POU2AF3: variants seen among roughly 807,000 people sequenced by gnomAD.
POU2AF3 encodes the protein POU class 2 homeobox associating factor 3, also known as cancer susceptibility candidate 13.
chr11:111,298,826 G>GCGGGGCC, the POU2AF3 span: 16 of 790,960 alleles, frequency 2.0e-5, no homozygotes, highest in South Asian at 6.7e-5. Context: ...CGTACCCCAG[G>GCGGGGCC]CCCCCGCCCG....
chr11:111,307,707 G>C, the POU2AF3 span, among the ~76,000 whole-genome samples: 10,534 of 152,192 alleles, frequency 0.069, 1,203 homozygotes, highest in African/African-American at 0.24. Flanking sequence ...AAACATCCAG[G>C]GTGCCACCTA....
the POU2AF3 span, chr11:111,308,280 T>C: frequency 1.3e-6 from 2 of 1,551,778 alleles, no homozygotes; most frequent in Non-Finnish European, 1.7e-6. Flanking sequence ...ACCACCTCCA[T>C]CTGCTACTGC....
the POU2AF3 span, among the ~76,000 whole-genome samples, chr11:111,303,247 G>GCACACACACAGA: frequency 7.1e-6 from 1 of 141,580 alleles, no homozygotes; most frequent in African/African-American, 2.5e-5. Flanking sequence ...GCGCATGCAC[G>GCACACACACAGA]CACACACACA....
At chr11:111,306,342 CTG>C in the POU2AF3 span, 145 of 1,050,398 alleles carry the variant, frequency 1.4e-4, no homozygotes, top group Middle Eastern at 1.7e-3. Flanking sequence ...CCATTCAAAT[CTG>C]TGTTTTGCAA....
the POU2AF3 span, chr11:111,298,831 C>CGGGG: frequency 4.8e-6 from 2 of 418,784 alleles, no homozygotes; most frequent in Non-Finnish European, 7.8e-6. Context: ...CCCAGGCCCC[C>CGGGG]GCCCGCCCTC....
chr11:111,308,430 A>C, the POU2AF3 span: 1 of 1,544,420 alleles, frequency 6.5e-7, no homozygotes. Context: ...GACATCTGCT[A>C]TAGTTAATAG....
At chr11:111,298,980 G>A in the POU2AF3 span, 1 of 1,005,128 alleles carries the variant, frequency 9.9e-7, no homozygotes, top group Non-Finnish European at 1.2e-6. Flanking sequence ...GAGCTGTGGC[G>A]GTCCCTGCGC....
the POU2AF3 span, among the ~76,000 whole-genome samples, chr11:111,303,770 G>A: frequency 6.6e-6 from 1 of 152,108 alleles, no homozygotes; most frequent in Non-Finnish European, 1.5e-5. Flanking sequence ...CTCTCCCTGT[G>A]GCTCAGAGTA....
chr11:111,305,208 C>T, the POU2AF3 span, among the ~76,000 whole-genome samples: 17 of 152,330 alleles, frequency 1.1e-4, no homozygotes, highest in East Asian at 3.3e-3. Context: ...TATATTGTCT[C>T]AAGAGTTTGT....
chr11:111,307,813 G>T, the POU2AF3 span, among the ~76,000 whole-genome samples: 1 of 152,194 alleles, frequency 6.6e-6, no homozygotes, highest in Non-Finnish European at 1.5e-5. Flanking sequence ...TCTAAAGTAG[G>T]ATTATAACAA....
chr11:111,306,194 T>C, the POU2AF3 span, among the ~76,000 whole-genome samples: 1 of 152,208 alleles, frequency 6.6e-6, no homozygotes, highest in South Asian at 2.1e-4. Flanking sequence ...AGTTTCCACA[T>C]TATTAACCAT....
At chr11:111,300,124 C>T in the POU2AF3 span, 3 of 380,842 alleles carry the variant, frequency 7.9e-6, no homozygotes, top group African/African-American at 6.2e-5. Flanking sequence ...CAGGCCTGGC[C>T]CCTCCCCAGG....
the POU2AF3 span, among the ~76,000 whole-genome samples, chr11:111,305,390 G>A: frequency 2.6e-5 from 4 of 152,146 alleles, no homozygotes; most frequent in Admixed American, 2.6e-4. Context: ...GCCGACAGGG[G>A]CTTCCCTCCC....
the POU2AF3 span, chr11:111,306,389 T>TAATAGG: frequency 3.5e-6 from 5 of 1,443,722 alleles, no homozygotes; most frequent in Non-Finnish European, 4.5e-6. Context: ...TCCTTTCTCC[T>TAATAGG]CTAGGACTGT....
At chr11:111,301,481 C>T in the POU2AF3 span, among the ~76,000 whole-genome samples, 8 of 147,482 alleles carry the variant, frequency 5.4e-5, no homozygotes, top group South Asian at 1.4e-3. Context: ...GGCATCTGCC[C>T]CACAACAGTT....
At chr11:111,300,817 G>A in the POU2AF3 span, among the ~76,000 whole-genome samples, 1 of 152,262 alleles carries the variant, frequency 6.6e-6, no homozygotes, top group Non-Finnish European at 1.5e-5. Context: ...GGCATGTTGT[G>A]GGGCTCAGGA....
the POU2AF3 span, chr11:111,299,393 T>G: frequency 1.0e-6 from 1 of 1,000,890 alleles, no homozygotes; most frequent in Non-Finnish European, 1.2e-6. Flanking sequence ...CACCTCCACC[T>G]TGAAAGCTCG....
the POU2AF3 span, chr11:111,306,400 A>C: frequency 3.4e-6 from 5 of 1,454,500 alleles, no homozygotes; most frequent in Non-Finnish European, 4.5e-6. Flanking sequence ...CTAGGACTGT[A>C]TTTTGAGCCT....
chr11:111,305,936 G>A, the POU2AF3 span, among the ~76,000 whole-genome samples: 7 of 152,322 alleles, frequency 4.6e-5, 1 homozygote, highest in African/African-American at 1.7e-4. Context: ...CTGAGTAAGA[G>A]TGAAAAGTTC....
Sources: gnomAD v4.1 joint callset for allele counts (sites outside exome capture counted in the v4.1 genomes callset) on GRCh38, gnomAD v4.1.1 for gene constraint, MANE v1.5 for transcripts, NCBI Gene and HGNC (gene_info 2026-07-23, HGNC 2026-07-21) for gene names.